ANKRD24: variants seen among roughly 807,000 people sequenced by gnomAD.
ANKRD24 encodes the protein ankyrin repeat domain-containing protein 24.
Under a neutral mutation model 127.8 loss-of-function variants are expected in ANKRD24, and 109 were observed. The observed-to-expected ratio is 0.85, with a 90% CI of 0.73 to 1.00. The LOEUF (loss-of-function observed/expected upper bound fraction) is 1.00. Among genes scored for constraint, ANKRD24 ranks in the 50% least tolerant of loss-of-function variants. ANKRD24 has a pLI of 0.00. For synonymous variants in ANKRD24, 743 were observed against 671.1 expected (o/e 1.11, Z -1.66); for missense variants, 1,648 against 1,570.2 (o/e 1.05, Z -0.84).
Position 4,217,705 on chromosome 19 carries a change from G to A in ANKRD24, c.2545G>A (p.Glu849Lys). 7.7e-7 allele frequency: 1 copy of A among 1,292,768 alleles called. No individual in the cohort carries two copies. Among genetic ancestry groups the A allele is most frequent in the Non-Finnish European group, 9.8e-7 (1 of 1,024,838 alleles). The allele number at this position is 1,292,768 out of a possible 1,614,324, so 80.1% of individuals were successfully genotyped here. Reference sequence around the variant, plus strand: ...GGAGGCGCGGCTGGAGCAGAGCCGGGAGCTGGAGGTTCTGCGGGAGCAGCT... The same window carrying A: ...GGAGGCGCGGCTGGAGCAGAGCCGGAAGCTGGAGGTTCTGCGGGAGCAGCT... ...REEARLEQSRELEVLREQLAT... is the reference protein window; with the variant it reads ...REEARLEQSRKLEVLREQLAT... Residue 849 changes from glutamate (E) to lysine (K), a missense_variant, in exon 18 of 22, where the codon GAG becomes AAG. By Grantham distance (56) the Glu-to-Lys change is moderately conservative (BLOSUM62 1). Coordinates refer to ENST00000318934, the MANE Select transcript of ANKRD24 (RefSeq NM_001393985.1).
At chr19:4,213,465 T>C (rs1466336545) in intron 15 of ANKRD24, among the ~76,000 whole-genome samples, 2 of 145,266 alleles carry the variant, frequency 1.4e-5, no homozygotes, top group African/African-American at 5.1e-5. Flanking sequence ...TCTTTTTTTT[T>C]TTTTTTTTTG....
intron 20 of ANKRD24, among the ~76,000 whole-genome samples, chr19:4,223,403 T>A (rs55817050): frequency 0.025 from 1,894 of 75,252 alleles, 11 homozygotes; most frequent in African/African-American, 0.035. Context: ...ATATATATAT[T>A]TTTTTTTTTT....
intron 18 of ANKRD24, among the ~76,000 whole-genome samples, chr19:4,218,900 T>TGGTACCACA (rs1220361543): frequency 1.2e-4 from 19 of 152,110 alleles, no homozygotes; most frequent in Non-Finnish European, 2.8e-4. Flanking sequence ...CCCAAGTAGC[T>TGGTACCACA]GGTACCACAG....
At chr19:4,221,822 C>G (rs28560385) in intron 19 of ANKRD24, among the ~76,000 whole-genome samples, 1 of 152,010 alleles carries the variant, frequency 6.6e-6, no homozygotes, top group East Asian at 1.9e-4. Flanking sequence ...GACATAGGAG[C>G]GGGATCATTT....
intron 9 of ANKRD24, 84 bp from the exon 10 acceptor site, chr19:4,207,697 C>T: frequency 6.3e-7 from 1 of 1,591,242 alleles, no homozygotes; most frequent in Admixed American, 1.7e-5. Context: ...CCAGCCTCCT[C>T]TTCCCAGCCT....
rs1968881660 is a variant in ANKRD24 at position 4,198,355 on chromosome 19, C to T, written c.37-1328C>T. 2.8e-4 allele frequency: 8 copies of T among 28,416 alleles called. No homozygotes were observed. In the Admixed American group the frequency reaches 4.7e-3, roughly 17 times the overall value. The allele number at this position is 28,416 out of a possible 1,614,324, so 1.8% of individuals were successfully genotyped here. A position where few individuals can be genotyped will look rare whatever the true frequency, so the allele number is the denominator to read the frequency against. On this transcript the variant is annotated intron_variant, in intron 2 of 21. Transcript: ENST00000318934. The surrounding 1 kb of genome is among the most constrained non-coding windows in gnomAD (Gnocchi z 6.1). ...GGGGCGGCACCAGGGAGGGCGGGAC[C>T]GGGCGGGCGGGCGGGGCGGGGAGCT...
intron 8 of ANKRD24, 48 bp from the exon 9 acceptor site, chr19:4,207,453 C>T: frequency 6.3e-7 from 1 of 1,595,038 alleles, no homozygotes; most frequent in Non-Finnish European, 8.6e-7. Flanking sequence ...TCTGCACCTC[C>T]CGGGGGTCAG....
chr19:4,212,017 C>T (rs574038064), intron 13 of ANKRD24, among the ~76,000 whole-genome samples: 12 of 151,880 alleles, frequency 7.9e-5, no homozygotes, highest in Admixed American at 6.6e-4. Context: ...TGGCTAACAC[C>T]GTGAAACCCC....
chr19:4,221,084 T>C (rs1411042358), intron 19 of ANKRD24, among the ~76,000 whole-genome samples: 2 of 151,844 alleles, frequency 1.3e-5, no homozygotes, highest in African/African-American at 4.8e-5. Flanking sequence ...TTTTGTTTCT[T>C]TCTTTTTTTT....
chr19:4,218,074 G>A lies in ANKRD24; in HGVS notation c.2914G>A (p.Gly972Ser). ...GCTCTCGGAGCACGAACGCATCGTG[G>A]GCACCCTGCAGGCCAACGTGGCCCA... The part of the protein sequence containing the change: ...VALSEHERIV[G>S]TLQANVAQLE... The change falls in exon 18 of 22, where the codon GGC becomes AGC. Residue 972 changes from glycine to serine, a missense_variant. Gly to Ser is a moderately conservative substitution (Grantham distance 56). Transcript: ENST00000318934. 1 of 1,555,726 alleles carries A rather than the reference G, an allele frequency of 6.4e-7. No individual in the cohort carries two copies. Among genetic ancestry groups the A allele is most frequent in the South Asian group, 1.2e-5 (1 of 83,842 alleles).
At chr19:4,219,884 G>A in intron 19 of ANKRD24, 126 bp downstream of exon 19, 1 of 1,185,902 alleles carries the variant, frequency 8.4e-7, no homozygotes, top group Non-Finnish European at 1.1e-6. Context: ...GGGAAACTGA[G>A]GCTCAGAAAC....
In ANKRD24 at chr19:4,195,352, G is replaced by A. The variant is rs916942732; in HGVS notation, c.37-4331G>A. On this transcript the variant is annotated intron_variant, in intron 2 of 21. Transcript: ENST00000318934. The surrounding 1 kb of genome is among the most constrained non-coding windows in gnomAD (Gnocchi z 4.2). The stretch of plus-strand genomic sequence containing the variant: ...GCCTCCCAAAGTGCTGGGATGACAG[G>A]CGTGAGCCACCATGCCTGGCCATTT... Among the ~76,000 whole-genome samples the A allele has an allele frequency of 3.9e-5, 6 of 152,050 alleles. No homozygotes were observed. The highest frequency in any genetic ancestry group is 1.2e-4 in the African/African-American group (5 of 41,410).
intron 15 of ANKRD24, among the ~76,000 whole-genome samples, chr19:4,213,085 C>T (rs1250558453): frequency 5.3e-5 from 8 of 152,036 alleles, no homozygotes; most frequent in Admixed American, 2.6e-4. Context: ...GAGCTGAGGT[C>T]GCACCACTGC....
intron 7 of ANKRD24, among the ~76,000 whole-genome samples, chr19:4,205,998 C>T (rs995803942): frequency 1.4e-4 from 21 of 150,814 alleles, no homozygotes; most frequent in Admixed American, 4.6e-4. Context: ...AAAAATTAGC[C>T]GGGTGTGGTG....
At chr19:4,205,638 A>G (rs1424651755) in intron 7 of ANKRD24, among the ~76,000 whole-genome samples, 2 of 152,186 alleles carry the variant, frequency 1.3e-5, no homozygotes, top group Non-Finnish European at 2.9e-5. Context: ...GCTTGAGCCC[A>G]GGAGTTTGAG....
At chr19:4,208,628 C>T (rs1006571268) in intron 10 of ANKRD24, 136 bp from the exon 11 acceptor site, 12 of 778,038 alleles carry the variant, frequency 1.5e-5, no homozygotes, top group Admixed American at 2.6e-5. Context: ...CAGCACTCTA[C>T]CCAAGCGCCA....
In ANKRD24 at chr19:4,210,302, G is replaced by T; in HGVS notation, c.989G>T (p.Arg330Leu). The T allele has an allele frequency of 6.3e-7, 1 of 1,587,588 alleles. No homozygotes were observed. Residue 330 changes from arginine to leucine, a missense_variant, in exon 13 of 22, where the codon CGG becomes CTG. By Grantham distance (102) the Arg-to-Leu change is moderately radical. Transcript: ENST00000318934. ...GCCTATGAGGAGATCGTGAGGCTGC[G>T]GCAGGAGAGGGGCCGCCTCCTGCAG... ...RDAYEEIVRL[R>L]QERGRLLQKI...
chr19:4,199,747 C>A lies in ANKRD24; in HGVS notation c.101C>A (p.Pro34Gln). The A allele has an allele frequency of 1.3e-6, 2 of 1,538,014 alleles. No individual in the cohort carries two copies. Among genetic ancestry groups the A allele is most frequent in the South Asian group, 1.2e-5 (1 of 83,792 alleles). ...PPCGPCPIPK[P>Q]AARGRRQSQD... ...TGCGGCCCCTGCCCCATCCCGAAGCCGGCAGCCAGAGGCAGGCGCCAGGCA... is the reference window on the plus strand; with the variant it reads ...TGCGGCCCCTGCCCCATCCCGAAGCAGGCAGCCAGAGGCAGGCGCCAGGCA... Residue 34 changes from proline to glutamine, a missense_variant, in exon 3 of 22, where the codon CCG becomes CAG. Pro to Gln is a moderately conservative substitution (Grantham distance 76, BLOSUM62 -1). Transcript: ENST00000318934. This position sits in a 1 kb window ranked among gnomAD's most constrained non-coding sequence, Gnocchi z 5.2.
chr19:4,200,029 G>C, intron 4 of ANKRD24, 24 bp downstream of exon 4: 1 of 1,565,838 alleles, frequency 6.4e-7, no homozygotes, highest in Non-Finnish European at 8.7e-7. Context: ...ACCCGGGAGT[G>C]AGATGGCTGA....
Sources: allele counts gnomAD v4.1 joint callset (sites outside exome capture counted in the v4.1 genomes callset), GRCh38; gene constraint gnomAD v4.1.1; non-coding constraint Gnocchi (gnomAD v3.1); transcripts MANE v1.5; gene names NCBI Gene and HGNC (gene_info 2026-07-23, HGNC 2026-07-21).